Variants in P4HA1 observed in about 807,000 individuals in gnomAD.
P4HA1 encodes the protein prolyl 4-hydroxylase subunit alpha 1.
P4HA1 carries 24 observed loss-of-function variants against 72.8 expected under a neutral mutation model. The observed-to-expected ratio is 0.33, with a 90% CI of 0.24 to 0.46. P4HA1 has a LOEUF of 0.46. Among genes scored for constraint, P4HA1 ranks in the 20% least tolerant of loss-of-function variants. The pLI is 1.00. For missense variants in P4HA1, 446 were observed against 640.6 expected, an observed-to-expected ratio of 0.70 and a Z score of 3.28; for synonymous variants, 201 against 218.8, an observed-to-expected ratio of 0.92 and a Z score of 0.72.
intron 11 of P4HA1, among the ~76,000 whole-genome samples, chr10:73,015,019 T>C (rs755838667): frequency 1.5e-4 from 23 of 151,692 alleles, no homozygotes; most frequent in Non-Finnish European, 2.8e-4. Context: ...TTAGTAGAGA[T>C]GGAGTTTCAC....
chr10:73,055,136 G>A (rs1168660111), intron 5 of P4HA1, among the ~76,000 whole-genome samples: 1 of 152,142 alleles, frequency 6.6e-6, no homozygotes, highest in Non-Finnish European at 1.5e-5. Context: ...GAGAGGCTAA[G>A]GCAAGAAGAA....
At chr10:73,082,393 C>T (rs1158041965) in intron 1 of P4HA1, 1 of 152,136 alleles carries the variant, frequency 6.6e-6, no homozygotes, top group Non-Finnish European at 1.5e-5. Flanking sequence ...AAATATTTTT[C>T]TTCCAAGAAA....
chr10:73,075,017 T>C, intron 1 of P4HA1, 102 bp from the exon 2 acceptor site: 1 of 564,766 alleles, frequency 1.8e-6, no homozygotes, highest in East Asian at 3.0e-5. Context: ...GATTCCAAGG[T>C]TGCCCATAAA....
chr10:73,070,175 T>TTG (rs1841526829), intron 4 of P4HA1, among the ~76,000 whole-genome samples: 1 of 127,696 alleles, frequency 7.8e-6, no homozygotes, highest in Non-Finnish European at 1.6e-5. Flanking sequence ...TTTTTTTTTT[T>TTG]GAGATGGAGT....
chr10:73,036,004 C>T (rs1219545787), intron 9 of P4HA1, among the ~76,000 whole-genome samples: 3 of 151,998 alleles, frequency 2.0e-5, no homozygotes, highest in African/African-American at 4.8e-5. Flanking sequence ...GCCTGACCAA[C>T]GTGGTGAAAC....
chr10:73,080,384 T>C (rs1245860581), intron 1 of P4HA1, among the ~76,000 whole-genome samples: 10 of 152,234 alleles, frequency 6.6e-5, no homozygotes, highest in Non-Finnish European at 1.0e-4. Context: ...GCAATGCTGA[T>C]AGTGCTGGCT....
chr10:73,090,405 AT>A (rs1180138670), intron 1 of P4HA1, among the ~76,000 whole-genome samples: 1 of 152,222 alleles, frequency 6.6e-6, no homozygotes, highest in Non-Finnish European at 1.5e-5. Flanking sequence ...AAGGGTTGGG[AT>A]TACAGGCCTA....
chr10:73,083,886 TCA>T (rs951598347), intron 1 of P4HA1, among the ~76,000 whole-genome samples: 27 of 152,156 alleles, frequency 1.8e-4, no homozygotes, highest in African/African-American at 6.0e-4. Flanking sequence ...AGAGGTGGAA[TCA>T]CAGTTGTTTT....
At chr10:73,022,124 T>A (rs12262714) in intron 10 of P4HA1, among the ~76,000 whole-genome samples, 3 of 152,104 alleles carry the variant, frequency 2.0e-5, no homozygotes, top group African/African-American at 7.2e-5. Flanking sequence ...GTCTGACAGC[T>A]CTGAAGAGAG....
chr10:73,058,193 A>T (rs112489275), intron 5 of P4HA1, among the ~76,000 whole-genome samples: 7,867 of 151,348 alleles, frequency 0.052, 649 homozygotes, highest in African/African-American at 0.17. Flanking sequence ...GACGCGCTCT[A>T]GCAGGGTGGC....
At chr10:73,022,745 G>GA (rs1481438780) in intron 10 of P4HA1, among the ~76,000 whole-genome samples, 1 of 152,086 alleles carries the variant, frequency 6.6e-6, no homozygotes, top group African/African-American at 2.4e-5. Flanking sequence ...TAAAACCCTT[G>GA]AAAAAAGGTT....
At position 73,016,771 on chromosome 10, in the gene P4HA1, T is replaced by G. The variant is rs369192397; in HGVS notation, c.1302+75A>C. ...CAGCCTGGGTGACAGAGTGAGACTG[T>G]TTTTTTGTTTTGTTTTGAGACAAAC... On this transcript the variant is annotated intron_variant, in intron 11 of 14. Transcript: ENST00000394890. 591 of 1,140,938 alleles carry G rather than the reference T, an allele frequency of 5.2e-4. No homozygotes were observed. In the African/African-American group the frequency reaches 8.1e-3, roughly 16 times the overall value. The allele number at this position is 1,140,938 out of a possible 1,614,324, so 70.7% of individuals were successfully genotyped here. A position where few individuals can be genotyped will look rare whatever the true frequency, so the allele number is the denominator to read the frequency against.
intron 1 of P4HA1, among the ~76,000 whole-genome samples, chr10:73,092,908 CAGG>C (rs1842065996): frequency 6.6e-6 from 1 of 151,454 alleles, no homozygotes; most frequent in Non-Finnish European, 1.5e-5. Context: ...CACTTGAGGC[CAGG>C]AGTTCGAGAC....
intron 5 of P4HA1, chr10:73,065,098 G>C (rs1841389590): frequency 6.6e-6 from 1 of 152,142 alleles, no homozygotes; most frequent in Admixed American, 6.5e-5. Flanking sequence ...GTTTGCTATA[G>C]TTACCTTATT....
chr10:73,071,964 ATTAATT>A (rs574774377), intron 4 of P4HA1, 59 bp downstream of exon 4: 733 of 1,297,212 alleles, frequency 5.7e-4, no homozygotes, highest in Non-Finnish European at 6.3e-4. Context: ...TGAATTTATC[ATTAATT>A]TTATTATTTC....
rs1430883674 is a variant in P4HA1 at position 73,007,242 on chromosome 10, T to C, written c.*980A>G. On this transcript the variant is annotated 3_prime_UTR_variant, in exon 15 of 15. Transcript: ENST00000394890. ...TTTTTTTAAAAAAGATTTAAGATCA[T>C]AAATAGGTCATTGTTGTCACAACAC... The C allele has an allele frequency of 1.3e-5, 2 of 152,472 alleles. No homozygotes were observed. The highest frequency in any genetic ancestry group is 2.9e-5 in the Non-Finnish European group (2 of 68,012). 9.4% of individuals were successfully genotyped at this position (152,472 alleles called of 1,614,324 possible).
intron 1 of P4HA1, among the ~76,000 whole-genome samples, chr10:73,093,990 G>C (rs1467870520): frequency 7.2e-6 from 1 of 139,242 alleles, no homozygotes; most frequent in Non-Finnish European, 1.5e-5. Context: ...AACACATTAT[G>C]GTTTAATTAC....
chr10:73,046,989 A>G lies in P4HA1; in HGVS notation c.1013T>C (p.Ile338Thr), dbSNP rs762888385. 5.0e-6 allele frequency: 8 copies of G among 1,613,256 alleles called. No individual in the cohort carries two copies. The highest frequency in any genetic ancestry group is 2.2e-5 in the East Asian group (1 of 44,856). ...ATCAGAAATAATATCATGGAAGCGA[A>G]TAATACGAGGCTTGTCCCATTCATC... is the stretch of plus-strand genomic sequence containing the variant. ...QEDEWDKPRI[I>T]RFHDIISDAE... The change falls in exon 8 of 15, where the codon ATT (isoleucine) becomes ACT (threonine). Residue 338 changes from isoleucine to threonine, a missense_variant. By Grantham distance (89) the Ile-to-Thr change is moderately conservative. Transcript: ENST00000394890.
intron 9 of P4HA1, among the ~76,000 whole-genome samples, chr10:73,036,917 G>C (rs1840587937): frequency 6.6e-6 from 1 of 151,978 alleles, no homozygotes; most frequent in African/African-American, 2.4e-5. Flanking sequence ...TCTAGGACCT[G>C]GAAGTCTTAT....
Sources: gnomAD v4.1 joint callset for allele counts (sites outside exome capture counted in the v4.1 genomes callset) on GRCh38, gnomAD v4.1.1 for gene constraint, MANE v1.5 for transcripts, NCBI Gene and HGNC (gene_info 2026-07-23, HGNC 2026-07-21) for gene names.